Variants in ZNF532 observed in about 807,000 individuals in gnomAD.
ZNF532 encodes zinc finger protein 532.
In ZNF532, 22 loss-of-function variants were observed where a neutral mutation model predicts 89.3. The ratio of observed to expected loss-of-function variants is 0.25; its 90% CI spans 0.18 to 0.35. The LOEUF (loss-of-function observed/expected upper bound fraction) is 0.35, where lower values mean the gene tolerates loss of function less well. Among genes scored for constraint, ZNF532 ranks in the 10% least tolerant of loss-of-function variants. The pLI, the probability that ZNF532 is intolerant of heterozygous loss-of-function variation, is 1.00. For missense variants in ZNF532, 1,132 were observed against 1,643.4 expected (o/e 0.69, Z 5.38); for synonymous variants, 606 against 649.6 (o/e 0.93, Z 1.02).
intron 8 of ZNF532, chr18:58,981,227 A>G: frequency 2.0e-6 from 1 of 491,642 alleles, no homozygotes; most frequent in Non-Finnish European, 3.7e-6. Context: ...GAGAATACTG[A>G]GTCATTGTGA....
At chr18:58,888,787 A>ATATATATATAATTT (rs1491511822) in intron 2 of ZNF532, among the ~76,000 whole-genome samples, 1 of 8,152 alleles carries the variant, frequency 1.2e-4, no homozygotes, top group Non-Finnish European at 2.4e-4. Context: ...ATATATATAA[A>ATATATATATAATTT]ATATATATAA....
intron 4 of ZNF532, among the ~76,000 whole-genome samples, chr18:58,935,569 C>T (rs898632423): frequency 7.4e-6 from 1 of 135,706 alleles, no homozygotes; most frequent in African/African-American, 2.8e-5. Context: ...TCACTGTAGT[C>T]CCTTTTACTG....
At chr18:58,968,563 C>T (rs1414834614) in intron 7 of ZNF532, among the ~76,000 whole-genome samples, 1 of 152,220 alleles carries the variant, frequency 6.6e-6, no homozygotes, top group Non-Finnish European at 1.5e-5. Context: ...CTTGTCCTCT[C>T]TCAATCTCAA....
chr18:58,872,508 T>A (rs2057071832), intron 2 of ZNF532, among the ~76,000 whole-genome samples: 1 of 152,188 alleles, frequency 6.6e-6, no homozygotes, highest in South Asian at 2.1e-4. Flanking sequence ...TTCAAAGCCC[T>A]CTGTTTTAAA....
intron 7 of ZNF532, among the ~76,000 whole-genome samples, chr18:58,972,637 C>G (rs906037057): frequency 2.0e-5 from 3 of 152,104 alleles, no homozygotes; most frequent in Admixed American, 6.6e-5. Flanking sequence ...GCTCTGGCCA[C>G]ACAGGAAGAG....
intron 6 of ZNF532, among the ~76,000 whole-genome samples, chr18:58,952,379 T>C (rs1177794807): frequency 6.6e-6 from 1 of 152,208 alleles, no homozygotes; most frequent in Non-Finnish European, 1.5e-5. Flanking sequence ...ATTTTATTTT[T>C]TGCTCTCCTC....
chr18:58,981,400 G>A (rs1370470157), intron 8 of ZNF532, 70 bp from the exon 9 acceptor site: 6 of 1,559,214 alleles, frequency 3.8e-6, no homozygotes, highest in South Asian at 2.5e-5. Flanking sequence ...GAGGACCTTC[G>A]ACCGTGAGTT....
intron 7 of ZNF532, 80 bp from the exon 8 acceptor site, chr18:58,978,969 TAACTTA>T (rs2067381318): frequency 9.1e-7 from 1 of 1,095,576 alleles, no homozygotes; most frequent in Non-Finnish European, 1.4e-6. Flanking sequence ...AATAATGATT[TAACTTA>T]AACTATTACA....
Position 58,984,532 on chromosome 18 carries a change from G to A in ZNF532, c.*66G>A. The A allele has an allele frequency of 6.5e-7, 1 of 1,537,100 alleles. No individual in the cohort carries two copies. The highest frequency in any genetic ancestry group is 2.3e-5 in the East Asian group (1 of 43,542). Reference sequence around the variant, plus strand: ...ATAAAAAAGACATTTTTGTTACAAAGTTTGCAGTATAATAGAGTTAACAGT... The same window carrying A: ...ATAAAAAAGACATTTTTGTTACAAAATTTGCAGTATAATAGAGTTAACAGT... On this transcript the variant is annotated 3_prime_UTR_variant, in exon 10 of 10. Coordinates refer to ENST00000591808, the MANE Select transcript of ZNF532 (RefSeq NM_001375912.1).
intron 2 of ZNF532, among the ~76,000 whole-genome samples, chr18:58,888,812 A>T (rs1467102513): frequency 1.9e-4 from 8 of 42,946 alleles, no homozygotes; most frequent in African/African-American, 1.1e-3. Context: ...TATATATAAA[A>T]AATTATATAT....
intron 2 of ZNF532, among the ~76,000 whole-genome samples, chr18:58,883,847 A>G (rs1485659515): frequency 6.6e-6 from 1 of 152,206 alleles, no homozygotes; most frequent in Non-Finnish European, 1.5e-5. Flanking sequence ...AGGTCATCCC[A>G]GTGGAGAGCC....
At chr18:58,980,515 A>G (rs1251809092) in intron 8 of ZNF532, 1 of 152,268 alleles carries the variant, frequency 6.6e-6, no homozygotes, top group African/African-American at 2.4e-5. Context: ...TTTAGGGCCA[A>G]TCAGTATGAA....
chr18:58,888,833 T>C lies in ZNF532; in HGVS notation c.-18+23254T>C, dbSNP rs1200172857. Reference sequence around the variant, plus strand: ...TAAAAAATTATATATATAAATTATATATATAATTTATATATATATAATTTA... The same window carrying C: ...TAAAAAATTATATATATAAATTATACATATAATTTATATATATATAATTTA... On this transcript the variant is annotated intron_variant, in intron 2 of 9. Transcript: ENST00000591808. Among the ~76,000 whole-genome samples the C allele has an allele frequency of 1.7e-4, 10 of 58,842 alleles. 1 individual carries two copies. Among genetic ancestry groups the C allele is most frequent in the Non-Finnish European group, 2.7e-4 (10 of 37,458 alleles). 38.6% of individuals were successfully genotyped at this position (58,842 alleles called of 152,430 possible).
chr18:58,956,208 T>C (rs2064759140), intron 7 of ZNF532, among the ~76,000 whole-genome samples: 2 of 152,216 alleles, frequency 1.3e-5, no homozygotes, highest in South Asian at 2.1e-4. Context: ...CCACTCTGAA[T>C]TGGATGTGTG....
At chr18:58,955,570 ATTTGTACTATTTG>A (rs1217324351) in intron 7 of ZNF532, among the ~76,000 whole-genome samples, 4 of 152,128 alleles carry the variant, frequency 2.6e-5, no homozygotes, top group African/African-American at 9.7e-5. Context: ...AATCTCATTT[ATTTGTACTATTTG>A]TTTGAGCTGC....
At chr18:58,904,792 G>A (rs1303139069) in intron 2 of ZNF532, among the ~76,000 whole-genome samples, 1 of 151,596 alleles carries the variant, frequency 6.6e-6, no homozygotes, top group Non-Finnish European at 1.5e-5. Flanking sequence ...ATGATTTTGT[G>A]TGCAGAAATC....
At chr18:58,948,887 G>A (rs1376128111) in intron 6 of ZNF532, among the ~76,000 whole-genome samples, 1 of 152,064 alleles carries the variant, frequency 6.6e-6, no homozygotes, top group Non-Finnish European at 1.5e-5. Flanking sequence ...AATTCTGTAA[G>A]ACTTAGAAAC....
intron 5 of ZNF532, among the ~76,000 whole-genome samples, chr18:58,947,724 A>G (rs79263557): frequency 4.0e-5 from 6 of 149,540 alleles, no homozygotes; most frequent in Non-Finnish European, 7.4e-5. Context: ...AAAAAAAAAA[A>G]TCTTTAAAAA....
At chr18:58,864,413 C>T (rs192081681), upstream of ZNF532, 1 of 152,330 alleles carries the variant, frequency 6.6e-6, no homozygotes, top group East Asian at 1.9e-4. Context: ...GCAGCCGACG[C>T]ATCCCGTGTG....
Sources: gnomAD v4.1 joint callset for allele counts (sites outside exome capture counted in the v4.1 genomes callset) on GRCh38, gnomAD v4.1.1 for gene constraint, MANE v1.5 for transcripts, NCBI Gene and HGNC (gene_info 2026-07-23, HGNC 2026-07-21) for gene names.